SLC45A4: variants seen among roughly 807,000 people sequenced by gnomAD.
SLC45A4 encodes the protein solute carrier family 45 member 4.
SLC45A4 carries 32 observed loss-of-function variants against 63.7 expected under a neutral mutation model. The observed-to-expected ratio is 0.50, with a 90% confidence interval of 0.38 to 0.67. The LOEUF (loss-of-function observed/expected upper bound fraction) is 0.67, where lower values mean the gene tolerates loss of function less well. Ranked by LOEUF, SLC45A4 falls within the 30% of genes least tolerant of loss-of-function variation. The pLI is 0.00. For synonymous variants in SLC45A4, 535 were observed against 510.0 expected, an observed-to-expected ratio of 1.05 and a Z score of -0.66; for missense variants, 1,027 against 1,157.7, an observed-to-expected ratio of 0.89 and a Z score of 1.64.
At position 141,218,683 on chromosome 8, in the gene SLC45A4, G is replaced by C; in HGVS notation, c.957C>G (p.Asp319Glu). ...SALHVPDTAL[D>E]LEPELLFLHD... ...GCAGGAACAGCAGCTCGGGCTCCAG[G>C]TCCAGCGCGGTGTCCGGCACGTGCA... is the stretch of plus-strand genomic sequence containing the variant. Residue 319 changes from aspartate (D) to glutamate (E), a missense_variant, in exon 5 of 9, where the codon GAC (aspartate) becomes GAG (glutamate). Transcript: ENST00000517878. 1 of 1,612,870 alleles carries C rather than the reference G, an allele frequency of 6.2e-7. No individual in the cohort carries two copies. Among genetic ancestry groups the C allele is most frequent in the Non-Finnish European group, 8.5e-7 (1 of 1,179,556 alleles).
chr8:141,237,586 T>TCCTCCAGACCTGGAGGG (rs1163614302), intron 2 of SLC45A4, among the ~76,000 whole-genome samples: 25 of 152,166 alleles, frequency 1.6e-4, no homozygotes, highest in African/African-American at 5.3e-4. Context: ...CTAATCTTTC[T>TCCTCCAGACCTGGAGGG]CCTCCAGACC....
chr8:141,262,518 C>A (rs901886919), intron 1 of SLC45A4, among the ~76,000 whole-genome samples: 81 of 151,434 alleles, frequency 5.3e-4, no homozygotes, highest in African/African-American at 1.8e-3. Flanking sequence ...AACAAATTTA[C>A]AAGAAAAAAA....
chr8:141,272,745 C>T (rs1229203354), intron 1 of SLC45A4, among the ~76,000 whole-genome samples: 4 of 152,178 alleles, frequency 2.6e-5, no homozygotes, highest in Middle Eastern at 3.2e-3. Flanking sequence ...ACAGCCTCCT[C>T]GCCAGCGCTG....
intron 1 of SLC45A4, among the ~76,000 whole-genome samples, chr8:141,306,242 C>A (rs1309217750): frequency 6.6e-6 from 1 of 152,204 alleles, no homozygotes; most frequent in African/African-American, 2.4e-5. Flanking sequence ...GCCAAAAAAA[C>A]ACACCTTTAA....
Position 141,218,701 on chromosome 8 carries a change from C to T in SLC45A4, c.939G>A (p.Val313=), listed in dbSNP as rs1267971344. ...MRSKSDSALH[V]PDTALDLEPE... is the part of the protein sequence containing the mutation. ...GCTCCAGGTCCAGCGCGGTGTCCGG[C>T]ACGTGCAATGCCGAGTCGCTTTTGC... is the stretch of plus-strand genomic sequence containing the variant. Residue 313 remains valine (V), a synonymous_variant, in exon 5 of 9, where the codon GTG becomes GTA. Coordinates refer to ENST00000517878, the MANE Select transcript of SLC45A4 (RefSeq NM_001286646.2). The T allele has an allele frequency of 1.2e-6, 2 of 1,612,640 alleles. No individual in the cohort carries two copies. Among genetic ancestry groups the T allele is most frequent in the African/African-American group, 2.7e-5 (2 of 74,916 alleles).
chr8:141,253,084 A>T (rs1828586605), intron 2 of SLC45A4: 3 of 149,850 alleles, frequency 2.0e-5, no homozygotes, highest in Admixed American at 7.5e-5. Flanking sequence ...AGTGTCTGTG[A>T]ATTTCCGTGT....
In SLC45A4 at chr8:141,256,859, CTT is replaced by C. The variant is rs71504829; in HGVS notation, c.-400-2232_-400-2231del. ...TTTTTCAAAAAACTGTGTAATGAAA[CTT>C]TTTTTTTTTTTTGAGACAGTCTCGC... On this transcript the variant is annotated intron_variant, in intron 1 of 8. Coordinates refer to ENST00000517878, the MANE Select transcript of SLC45A4 (RefSeq NM_001286646.2). The surrounding 1 kb of genome is among the most constrained non-coding windows in gnomAD (Gnocchi z 4.3). The C allele has an allele frequency of 0.016, 4,717 of 304,050 alleles. No individual in the cohort carries two copies. The highest frequency in any genetic ancestry group is 0.025 in the South Asian group (939 of 37,412). 18.8% of individuals were successfully genotyped at this position (304,050 alleles called of 1,614,324 possible). A position where few individuals can be genotyped will look rare whatever the true frequency, so the allele number is the denominator to read the frequency against.
chr8:141,291,578 C>T (rs926499720), intron 1 of SLC45A4, among the ~76,000 whole-genome samples: 3 of 152,230 alleles, frequency 2.0e-5, no homozygotes, highest in East Asian at 3.8e-4. Context: ...TCATCAAACA[C>T]GTACTTGGTG....
Position 141,212,328 on chromosome 8 carries a change from T to C in SLC45A4, c.2170A>G (p.Lys724Glu), listed in dbSNP as rs765614950. ...VIYPNVSEEA[K>E]EEQKGLSSPL... is the part of the protein sequence containing the mutation. The stretch of plus-strand genomic sequence containing the variant: ...GAAGACAGGCCTTTCTGCTCCTCCT[T>C]GGCCTCCTCTGACACGTTGGGATAG... The change falls in exon 8 of 9, where the codon AAG (lysine) becomes GAG (glutamate). Residue 724 changes from lysine to glutamate, a missense_variant. Transcript: ENST00000517878. 5 of 1,612,624 alleles carry C rather than the reference T, an allele frequency of 3.1e-6. No homozygotes were observed. The highest frequency in any genetic ancestry group is 1.3e-5 in the African/African-American group (1 of 74,914).
intron 1 of SLC45A4, among the ~76,000 whole-genome samples, chr8:141,301,756 A>AAAAAAAAAAAAC (rs1830751965): frequency 6.7e-6 from 1 of 148,348 alleles, no homozygotes; most frequent in Non-Finnish European, 1.5e-5. Flanking sequence ...AAAAAAAAAA[A>AAAAAAAAAAAAC]AAAAAATCCT....
chr8:141,287,194 G>A (rs1830180091), intron 1 of SLC45A4, among the ~76,000 whole-genome samples: 1 of 152,184 alleles, frequency 6.6e-6, no homozygotes, highest in Non-Finnish European at 1.5e-5. Flanking sequence ...GAGGCCTTCA[G>A]AGCCCAGCAG....
chr8:141,235,159 C>T (rs1410720619), intron 2 of SLC45A4, among the ~76,000 whole-genome samples: 2 of 152,176 alleles, frequency 1.3e-5, no homozygotes, highest in Non-Finnish European at 2.9e-5. Flanking sequence ...CACTCCGAAG[C>T]CCCCGACCCA....
chr8:141,218,194 G>A lies in SLC45A4; in HGVS notation c.1446C>T (p.Asp482=), dbSNP rs1314142777. ...NQSGATTSSG[D]TESEEGEGET... ...CGCCCTCCCCCTCCTCACTCTCGGT[G>A]TCCCCGCTGGAGGTGGTGGCCCCGC... The change falls in exon 5 of 9, where the codon GAC becomes GAT. Residue 482 remains aspartate, a synonymous_variant. Coordinates refer to ENST00000517878, the MANE Select transcript of SLC45A4 (RefSeq NM_001286646.2). The A allele has an allele frequency of 6.2e-7, 1 of 1,603,788 alleles. No homozygotes were observed.
chr8:141,220,225 G>A (rs1329790501), intron 3 of SLC45A4, among the ~76,000 whole-genome samples: 1 of 152,230 alleles, frequency 6.6e-6, no homozygotes, highest in African/African-American at 2.4e-5. Flanking sequence ...ACAGGGAAAG[G>A]CGCTCATGCC....
intron 1 of SLC45A4, among the ~76,000 whole-genome samples, chr8:141,282,509 T>C (rs1302826380): frequency 1.3e-5 from 2 of 152,148 alleles, no homozygotes; most frequent in Non-Finnish European, 2.9e-5. Flanking sequence ...GCACGCCGCC[T>C]CCATCGCTGC....
chr8:141,297,760 T>A (rs551333675), intron 1 of SLC45A4, among the ~76,000 whole-genome samples: 2 of 152,358 alleles, frequency 1.3e-5, no homozygotes, highest in East Asian at 3.9e-4. Flanking sequence ...TTGCATAGAT[T>A]TTTGAATTAG....
chr8:141,246,050 A>G (rs1169113182), intron 2 of SLC45A4, among the ~76,000 whole-genome samples: 1 of 152,222 alleles, frequency 6.6e-6, no homozygotes, highest in Non-Finnish European at 1.5e-5. Flanking sequence ...CAGACTTGCT[A>G]TTGCTTGATA....
intron 1 of SLC45A4, among the ~76,000 whole-genome samples, chr8:141,293,024 A>G (rs117548593): frequency 0.017 from 2,561 of 152,192 alleles, 35 homozygotes; most frequent in Non-Finnish European, 0.027. Flanking sequence ...GGGATTGGAC[A>G]CCCACATGCA....
Position 141,254,776 on chromosome 8 carries a change from G to A in SLC45A4, c.-400-147C>T, listed in dbSNP as rs1011321367. 4.0e-5 allele frequency: 26 copies of A among 648,216 alleles called. No homozygotes were observed. Among genetic ancestry groups the A allele is most frequent in the Admixed American group, 3.5e-4 (16 of 46,202 alleles). The allele number at this position is 648,216 out of a possible 1,614,324, so 40.2% of individuals were successfully genotyped here. ...GCTCTCTGCCACTCACTCTGGGTAC[G>A]TCTGTGCAAATAACCAAACCTACTT... On this transcript the variant is annotated intron_variant, in intron 1 of 8. Transcript: ENST00000517878. This position sits in a 1 kb window ranked among gnomAD's most constrained non-coding sequence, Gnocchi z 4.5.
Sources: gnomAD v4.1 joint callset for allele counts (sites outside exome capture counted in the v4.1 genomes callset) on GRCh38, gnomAD v4.1.1 for gene constraint, Gnocchi (gnomAD v3.1) non-coding constraint, MANE v1.5 for transcripts, NCBI Gene and HGNC (gene_info 2026-07-23, HGNC 2026-07-21) for gene names.